The following RBFOX1 variants were observed in gnomAD, a reference collection of about 807,000 sequenced individuals.
The protein encoded by RBFOX1 is RNA binding protein fox-1 homolog 1.
Under a neutral mutation model 57.7 loss-of-function variants are expected in RBFOX1, and 8 were observed. The observed-to-expected ratio is 0.14, with a 90% CI of 0.08 to 0.25. RBFOX1 has a LOEUF of 0.25. Ranked by LOEUF, RBFOX1 falls within the 10% of genes least tolerant of loss-of-function variation. The pLI is 1.00. For synonymous variants in RBFOX1, 326 were observed against 222.4 expected (o/e 1.47, Z -4.15); for missense variants, 611 against 548.5 (o/e 1.11, Z -1.14).
chr16:7,403,019 G>T (rs573290751), intron 4 of RBFOX1, among the ~76,000 whole-genome samples: 1 of 152,174 alleles, frequency 6.6e-6, no homozygotes, highest in African/African-American at 2.4e-5. Context: ...CCCCGTTCAC[G>T]ATGCAGTTGT....
At chr16:6,923,930 G>C (rs1471127676) in intron 3 of RBFOX1, among the ~76,000 whole-genome samples, 1 of 152,074 alleles carries the variant, frequency 6.6e-6, no homozygotes, top group Non-Finnish European at 1.5e-5. Context: ...CAGCACTTTG[G>C]AGGCTGAGTC....
At position 6,796,746 on chromosome 16, in the gene RBFOX1, G is replaced by A. The variant is rs139650010; in HGVS notation, c.-16+142096G>A. On this transcript the variant is annotated intron_variant, in intron 3 of 15. Coordinates refer to ENST00000550418, the MANE Select transcript of RBFOX1 (RefSeq NM_018723.4). ...TGGGTACACATTTATGATCCTAAAC[G>A]CCCCATGAAGATGGGCCTACATCTG... Among the ~76,000 whole-genome samples, 129 of 152,058 alleles carry A rather than the reference G, an allele frequency of 8.5e-4. 1 individual carries two copies. Among genetic ancestry groups the A allele is most frequent in the Middle Eastern group, 3.4e-3 (1 of 292 alleles).
chr16:6,104,232 G>A (rs1426713110), intron 1 of RBFOX1, among the ~76,000 whole-genome samples: 1 of 152,076 alleles, frequency 6.6e-6, no homozygotes, highest in Admixed American at 6.5e-5. Context: ...CTATCTGTAT[G>A]CAATGGGCAG....
intron 2 of RBFOX1, among the ~76,000 whole-genome samples, chr16:6,495,653 C>T (rs1192935178): frequency 6.6e-6 from 1 of 152,342 alleles, no homozygotes; most frequent in South Asian, 2.1e-4. Flanking sequence ...CCGTTTCAGA[C>T]AGATGGATGC....
At chr16:7,110,406 G>A (rs202122281) in intron 4 of RBFOX1, among the ~76,000 whole-genome samples, 1 of 151,670 alleles carries the variant, frequency 6.6e-6, no homozygotes, top group Admixed American at 6.6e-5. Context: ...ACATTGAGGG[G>A]TTGAAAGATG....
rs151163444 is a variant in RBFOX1 at position 6,076,357 on chromosome 16, C to G, written c.-127+56365C>G. On this transcript the variant is annotated intron_variant, in intron 1 of 15. Transcript: ENST00000550418. ...GCGCACACACACACATACACACACA[C>G]ACACCCCACCTCTTTGGGTTACATA... Among the ~76,000 whole-genome samples the G allele has an allele frequency of 4.4e-3, 671 of 151,900 alleles. 6 individuals are homozygous for G. Among genetic ancestry groups the G allele is most frequent in the African/African-American group, 0.015 (626 of 41,380 alleles).
At chr16:5,354,846 C>T (rs565268630) in intron 1 of RBFOX1, among the ~76,000 whole-genome samples, 65 of 152,356 alleles carry the variant, frequency 4.3e-4, no homozygotes, top group African/African-American at 1.6e-3. Context: ...CCACTTGTCA[C>T]CATGTGCCAG....
chr16:6,928,389 C>A (rs2075983992), intron 3 of RBFOX1, among the ~76,000 whole-genome samples: 1 of 151,984 alleles, frequency 6.6e-6, no homozygotes, highest in Non-Finnish European at 1.5e-5. Flanking sequence ...AACAAAGGGC[C>A]CTGTGGGAGC....
intron 2 of RBFOX1, among the ~76,000 whole-genome samples, chr16:6,353,369 T>C (rs1444883843): frequency 6.6e-6 from 1 of 151,890 alleles, no homozygotes; most frequent in Non-Finnish European, 1.5e-5. Flanking sequence ...TTGGGATGGG[T>C]ATTAGCTCAT....
intron 2 of RBFOX1, among the ~76,000 whole-genome samples, chr16:6,447,061 T>C (rs2094498867): frequency 6.6e-6 from 1 of 152,208 alleles, no homozygotes; most frequent in South Asian, 2.1e-4. Context: ...GCAAGTCACA[T>C]TCCTTTTCAA....
chr16:5,576,821 G>A (rs1299284525), intron 2 of RBFOX1, among the ~76,000 whole-genome samples: 1 of 152,218 alleles, frequency 6.6e-6, no homozygotes, highest in East Asian at 1.9e-4. Flanking sequence ...GAAGCTGAAG[G>A]GTCTGAGCGC....
At chr16:7,140,448 T>C (rs765502561) in intron 4 of RBFOX1, among the ~76,000 whole-genome samples, 8 of 151,992 alleles carry the variant, frequency 5.3e-5, no homozygotes, top group Non-Finnish European at 7.4e-5. Context: ...TTCCCAAATA[T>C]GTAGTTTTGT....
At chr16:6,029,857 C>A (rs1209846309) in intron 1 of RBFOX1, among the ~76,000 whole-genome samples, 2 of 151,426 alleles carry the variant, frequency 1.3e-5, no homozygotes, top group African/African-American at 2.4e-5. Context: ...TGGTAAGAAC[C>A]CAGCAGGACA....
chr16:5,502,821 T>C (rs11076917), intron 2 of RBFOX1, among the ~76,000 whole-genome samples: 12,461 of 152,152 alleles, frequency 0.082, 1,186 homozygotes, highest in African/African-American at 0.23. Context: ...CTCTTCCGCG[T>C]CTCAGGGGAC....
intron 3 of RBFOX1, among the ~76,000 whole-genome samples, chr16:6,910,118 G>T (rs553439826): frequency 1.3e-5 from 2 of 152,006 alleles, no homozygotes; most frequent in Admixed American, 1.3e-4. Context: ...CCTTGGTAGC[G>T]TGCAAAGAGA....
At chr16:6,303,421 A>G (rs2079062971) in intron 1 of RBFOX1, among the ~76,000 whole-genome samples, 1 of 152,032 alleles carries the variant, frequency 6.6e-6, no homozygotes, top group African/African-American at 2.4e-5. Context: ...TGAAGTAGGT[A>G]GCAGCTAGCT....
intron 4 of RBFOX1, among the ~76,000 whole-genome samples, chr16:7,266,970 G>T (rs938157127): frequency 6.6e-6 from 1 of 152,004 alleles, no homozygotes; most frequent in African/African-American, 2.4e-5. Flanking sequence ...TGTTCAAAAG[G>T]GCCACTGAGA....
chr16:6,886,442 C>T (rs529770565), intron 3 of RBFOX1, among the ~76,000 whole-genome samples: 4 of 152,068 alleles, frequency 2.6e-5, no homozygotes, highest in South Asian at 4.2e-4. Context: ...ATTGCAAAGG[C>T]ATTCCAATTT....
At chr16:5,646,311 C>T (rs1203094245) in intron 3 of RBFOX1, among the ~76,000 whole-genome samples, 1 of 151,690 alleles carries the variant, frequency 6.6e-6, no homozygotes, top group Non-Finnish European at 1.5e-5. Context: ...AGGTGTCAAC[C>T]ACTGTGTTGT....
Sources: allele counts gnomAD v4.1 joint callset (sites outside exome capture counted in the v4.1 genomes callset), GRCh38; gene constraint gnomAD v4.1.1; transcripts MANE v1.5; gene names NCBI Gene and HGNC (gene_info 2026-07-23, HGNC 2026-07-21).